The following GRM3 variants were observed in gnomAD, a reference collection of about 807,000 sequenced individuals.
GRM3 encodes glutamate metabotropic receptor 3, also known as metabotropic glutamate receptor 3.
GRM3 carries 26 observed loss-of-function variants against 70.5 expected under a neutral mutation model. The ratio of observed to expected loss-of-function variants is 0.37; its 90% confidence interval spans 0.27 to 0.51. GRM3 has a LOEUF of 0.51. Among genes scored for constraint, GRM3 ranks in the 20% least tolerant of loss-of-function variants. The pLI, the probability that GRM3 is intolerant of heterozygous loss-of-function variation, is 0.93. For synonymous variants in GRM3, 443 were observed against 434.9 expected (o/e 1.02, Z -0.23); for missense variants, 859 against 1,123.8 (o/e 0.76, Z 3.37).
intron 3 of GRM3, among the ~76,000 whole-genome samples, chr7:86,823,582 A>ATTTTTT (rs35792615): frequency 2.3e-5 from 1 of 43,124 alleles, no homozygotes; most frequent in Non-Finnish European, 3.9e-5. Flanking sequence ...TGTGTGAGGT[A>ATTTTTT]TTTTTTTTTT....
chr7:86,644,482 G>C lies in GRM3; in HGVS notation c.-531G>C. The stretch of plus-strand genomic sequence containing the variant: ...TTGCCTGATAAGAGAAGGAGGAGGG[G>C]ACTCGGCTGGGAAGAGCTCCCCTCC... On this transcript the variant is annotated 5_prime_UTR_variant, in exon 1 of 6. Coordinates refer to ENST00000361669, the MANE Select transcript of GRM3 (RefSeq NM_000840.3). The C allele has an allele frequency of 2.8e-6, 1 of 352,176 alleles. No individual in the cohort carries two copies. Among genetic ancestry groups the C allele is most frequent in the Non-Finnish European group, 5.6e-6 (1 of 178,732 alleles). 21.8% of individuals were successfully genotyped at this position (352,176 alleles called of 1,614,324 possible).
In GRM3 at chr7:86,765,152, A is replaced by G; in HGVS notation, c.7A>G (p.Met3Val). The change falls in exon 2 of 6, where the codon ATG (methionine) becomes GTG (valine). Residue 3 changes from methionine to valine, a missense_variant. Met to Val is a conservative substitution (Grantham distance 21). Transcript: ENST00000361669. ...AGGTACAGAAACAGGATTCATGAAG[A>G]TGTTGACAAGACTGCAAGTTCTTAC... MKMLTRLQVLTLA... is the reference protein window; with the variant it reads MKVLTRLQVLTLA... 6.4e-7 allele frequency: 1 copy of G among 1,572,420 alleles called. No homozygotes were observed. Among genetic ancestry groups the G allele is most frequent in the Non-Finnish European group, 8.6e-7 (1 of 1,163,258 alleles).
Position 86,695,935 on chromosome 7 carries a change from T to G in GRM3, c.-141+51063T>G, listed in dbSNP as rs1794804609. ...TAAAACTTTTCATATAAAAATATAT[T>G]ATCTGGAAAGGTACAGTTTACCTTA... On this transcript the variant is annotated intron_variant, in intron 1 of 5. Coordinates refer to ENST00000361669, the MANE Select transcript of GRM3 (RefSeq NM_000840.3). 4.6e-5 allele frequency among the ~76,000 whole-genome samples: 7 copies of G among 152,256 alleles called. No individual in the cohort carries two copies. In the South Asian group the frequency reaches 1.5e-3, roughly 32 times the overall value.
In GRM3 at chr7:86,656,484, G is replaced by C. The variant is rs192110476; in HGVS notation, c.-141+11612G>C. ...GAGTTTCACCATGTTGGCCAGGCTG[G>C]TCTCAAATTCCTGGTTTCAGGTGAT... On this transcript the variant is annotated intron_variant, in intron 1 of 5. Coordinates refer to ENST00000361669, the MANE Select transcript of GRM3 (RefSeq NM_000840.3). Among the ~76,000 whole-genome samples the C allele has an allele frequency of 8.9e-3, 1,347 of 152,026 alleles. 14 individuals are homozygous for C. The highest frequency in any genetic ancestry group is 0.041 in the Middle Eastern group (12 of 294).
At chr7:86,672,030 T>C (rs1454672514) in intron 1 of GRM3, among the ~76,000 whole-genome samples, 1 of 152,214 alleles carries the variant, frequency 6.6e-6, no homozygotes, top group African/African-American at 2.4e-5. Flanking sequence ...GGGGGTTTTA[T>C]TTTTATTGTT....
intron 2 of GRM3, among the ~76,000 whole-genome samples, chr7:86,784,885 A>G (rs1324906040): frequency 6.6e-6 from 1 of 152,214 alleles, no homozygotes; most frequent in Non-Finnish European, 1.5e-5. Context: ...GACTATATCT[A>G]GTGTTGATTT....
At chr7:86,684,806 G>A (rs1239573061) in intron 1 of GRM3, among the ~76,000 whole-genome samples, 2 of 152,238 alleles carry the variant, frequency 1.3e-5, no homozygotes, top group East Asian at 3.9e-4. Flanking sequence ...TCCAACAGCC[G>A]GATTTTAAAT....
chr7:86,772,086 C>T (rs995958231), intron 2 of GRM3, among the ~76,000 whole-genome samples: 1 of 152,034 alleles, frequency 6.6e-6, no homozygotes, highest in Admixed American at 6.6e-5. Context: ...CATATTTATT[C>T]TTCCATGAAC....
intron 1 of GRM3, among the ~76,000 whole-genome samples, chr7:86,716,880 T>G (rs560255436): frequency 2.0e-5 from 3 of 151,984 alleles, no homozygotes; most frequent in Admixed American, 1.3e-4. Context: ...TCAATGACTA[T>G]TTCAGATTTA....
At chr7:86,757,543 G>A (rs549387319) in intron 1 of GRM3, among the ~76,000 whole-genome samples, 2 of 152,218 alleles carry the variant, frequency 1.3e-5, no homozygotes, top group African/African-American at 2.4e-5. Flanking sequence ...AATACCTCTC[G>A]GATATGTCTG....
intron 3 of GRM3, among the ~76,000 whole-genome samples, chr7:86,806,712 G>T (rs1797801744): frequency 6.6e-6 from 1 of 152,056 alleles, no homozygotes. Flanking sequence ...TCACTCTGAT[G>T]GTAGTTTCCT....
intron 2 of GRM3, among the ~76,000 whole-genome samples, chr7:86,768,823 G>A (rs1796668273): frequency 6.6e-6 from 1 of 152,206 alleles, no homozygotes; most frequent in East Asian, 1.9e-4. Flanking sequence ...GTCAAGCCAG[G>A]AGTTGGAGCA....
At chr7:86,678,900 T>C (rs1247885372) in intron 1 of GRM3, among the ~76,000 whole-genome samples, 1 of 152,082 alleles carries the variant, frequency 6.6e-6, no homozygotes, top group African/African-American at 2.4e-5. Flanking sequence ...GTGAGAAGGC[T>C]ATGGTACATG....
intron 3 of GRM3, among the ~76,000 whole-genome samples, chr7:86,802,317 A>G (rs868620907): frequency 5.7e-4 from 87 of 152,292 alleles, no homozygotes; most frequent in African/African-American, 2.0e-3. Context: ...CAAGGTTTGT[A>G]TTTAGAAAAA....
At chr7:86,743,167 A>G (rs1475402994) in intron 1 of GRM3, among the ~76,000 whole-genome samples, 1 of 152,186 alleles carries the variant, frequency 6.6e-6, no homozygotes, top group Non-Finnish European at 1.5e-5. Flanking sequence ...TTATGTGAAA[A>G]TACAAATAAT....
At position 86,683,060 on chromosome 7, in the gene GRM3, C is replaced by A. The variant is rs1023695676; in HGVS notation, c.-141+38188C>A. Among the ~76,000 whole-genome samples, 11 of 152,192 alleles carry A rather than the reference C, an allele frequency of 7.2e-5. 1 individual carries two copies. Among genetic ancestry groups the A allele is most frequent in the African/African-American group, 2.6e-4 (11 of 41,514 alleles). On this transcript the variant is annotated intron_variant, in intron 1 of 5. Transcript: ENST00000361669. ...ACAGCAGTTTGAAAACATTGGATCACAAGAAAACAAGCCTGAAGTCAAGGA... is the reference window on the plus strand; with the variant it reads ...ACAGCAGTTTGAAAACATTGGATCAAAAGAAAACAAGCCTGAAGTCAAGGA...
intron 1 of GRM3, among the ~76,000 whole-genome samples, chr7:86,734,455 T>A (rs890731533): frequency 3.9e-5 from 6 of 152,236 alleles, no homozygotes; most frequent in Non-Finnish European, 7.3e-5. Context: ...CTGGATCCCA[T>A]ATCTCTTCCC....
chr7:86,788,853 T>C (rs1466753428), intron 3 of GRM3, among the ~76,000 whole-genome samples: 1 of 152,238 alleles, frequency 6.6e-6, no homozygotes, highest in East Asian at 1.9e-4. Context: ...GTTATTCTAG[T>C]TCCTTTCTTA....
chr7:86,816,115 G>A (rs1382709053), intron 3 of GRM3, among the ~76,000 whole-genome samples: 1 of 151,858 alleles, frequency 6.6e-6, no homozygotes, highest in Non-Finnish European at 1.5e-5. Context: ...GGAGAAGGTG[G>A]CCTCTGAATT....
Sources: allele counts gnomAD v4.1 joint callset (sites outside exome capture counted in the v4.1 genomes callset), GRCh38; gene constraint gnomAD v4.1.1; transcripts MANE v1.5; gene names NCBI Gene and HGNC (gene_info 2026-07-23, HGNC 2026-07-21).